The following FRMPD2 variants were observed in gnomAD, a reference collection of about 807,000 sequenced individuals.
The protein encoded by FRMPD2 is FERM and PDZ domain-containing protein 2.
A neutral mutation model predicts 140.1 loss-of-function variants in FRMPD2; 96 were observed. The observed-to-expected ratio is 0.69, with a 90% confidence interval of 0.58 to 0.81. The LOEUF (loss-of-function observed/expected upper bound fraction) is 0.81, where lower values mean the gene tolerates loss of function less well. FRMPD2 is among the 40% of genes least tolerant of loss of function. The pLI is 0.00. For synonymous variants in FRMPD2, 449 were observed against 547.6 expected (o/e 0.82, Z 2.52); for missense variants, 1,240 against 1,447.4 (o/e 0.86, Z 2.32).
chr10:48,202,217 T>C (rs1298211997), intron 14 of FRMPD2, among the ~76,000 whole-genome samples: 1 of 152,198 alleles, frequency 6.6e-6, no homozygotes, highest in Non-Finnish European at 1.5e-5. Flanking sequence ...AAATCTTCAT[T>C]CTAGATATTC....
intron 9 of FRMPD2, among the ~76,000 whole-genome samples, chr10:48,235,901 C>T (rs61204436): frequency 0.054 from 8,154 of 152,144 alleles, 295 homozygotes; most frequent in African/African-American, 0.09. Flanking sequence ...ACAGCATTTG[C>T]CCTTCCTGAA....
chr10:48,205,473 A>G (rs1839181463), intron 14 of FRMPD2, among the ~76,000 whole-genome samples: 1 of 152,252 alleles, frequency 6.6e-6, no homozygotes, highest in Admixed American at 6.5e-5. Context: ...TTTTTAGGTT[A>G]CCTGCATTTT....
chr10:48,218,765 A>G (rs1839511889), intron 12 of FRMPD2, among the ~76,000 whole-genome samples: 1 of 152,200 alleles, frequency 6.6e-6, no homozygotes, highest in Admixed American at 6.5e-5. Flanking sequence ...CAGCTCAGAG[A>G]CACAAGAAGC....
chr10:48,192,866 A>G lies in FRMPD2; in HGVS notation c.1983T>C (p.Asn661=). The G allele has an allele frequency of 6.2e-7, 1 of 1,614,022 alleles. No individual in the cohort carries two copies. The highest frequency in any genetic ancestry group is 8.5e-7 in the Non-Finnish European group (1 of 1,180,008). ...FDHDKFVQMA[N]LSPAHQARSK... is the part of the protein sequence containing the mutation. Reference sequence around the variant, plus strand: ...ACCGGGCCTGGTGTGCAGGACTCAAATTGGCCATTTGCACAAACTTATCAT... The same window carrying G: ...ACCGGGCCTGGTGTGCAGGACTCAAGTTGGCCATTTGCACAAACTTATCAT... The change falls in exon 16 of 29, where the codon AAT becomes AAC. Residue 661 remains asparagine (N), a synonymous_variant. Transcript: ENST00000374201.
intron 4 of FRMPD2, among the ~76,000 whole-genome samples, chr10:48,243,912 C>T (rs1490163037): frequency 6.6e-6 from 1 of 152,180 alleles, no homozygotes; most frequent in African/African-American, 2.4e-5. Flanking sequence ...GTTATAGTAT[C>T]AGATGGAAAT....
intron 1 of FRMPD2, 48 bp from the exon 2 acceptor site, chr10:48,251,739 C>T (rs1303432206): frequency 3.7e-6 from 6 of 1,608,248 alleles, no homozygotes; most frequent in Admixed American, 1.7e-5. Flanking sequence ...TGTCCAGGAA[C>T]ATGTCCGGGC....
Position 48,252,671 on chromosome 10 carries a change from TCC to T in FRMPD2, c.26-982_26-981del, listed in dbSNP as rs1383873491. On this transcript the variant is annotated intron_variant, in intron 1 of 28. Transcript: ENST00000374201. The stretch of plus-strand genomic sequence containing the variant: ...AGAAAGAGGCTTGGTCTGCTACCTC[TCC>T]CTGGGGCAGAAAGGGAGCCGCAGCA... Among the ~76,000 whole-genome samples the T allele has an allele frequency of 3.3e-5, 5 of 152,176 alleles. 1 individual carries two copies. The East Asian group carries it at 9.6e-4, about 29-fold the overall frequency.
chr10:48,185,562 G>A lies in FRMPD2; in HGVS notation c.2350C>T (p.Arg784Cys), dbSNP rs746192606. 24 of 1,613,384 alleles carry A rather than the reference G, an allele frequency of 1.5e-5. No homozygotes were observed. Among genetic ancestry groups the A allele is most frequent in the African/African-American group, 6.7e-5 (5 of 74,894 alleles). The change falls in exon 18 of 29, where the codon CGT (arginine) becomes TGT (cysteine). Residue 784 changes from arginine to cysteine, a missense_variant. Transcript: ENST00000374201. ...VRVTLKRDPH[R>C]GFGFVINEGE... is the part of the protein sequence containing the mutation. ...CAGGGAGCCCTCTTACCAAAACCAC[G>A]ATGTGGGTCACGTTTCAGTGTCACA...
At chr10:48,181,233 A>G (rs1838537344) in intron 20 of FRMPD2, among the ~76,000 whole-genome samples, 1 of 152,406 alleles carries the variant, frequency 6.6e-6, no homozygotes, top group South Asian at 2.1e-4. Flanking sequence ...TGACCCAACT[A>G]TGAATGCGTA....
intron 3 of FRMPD2, among the ~76,000 whole-genome samples, chr10:48,246,395 G>A (rs1840249058): frequency 6.6e-6 from 1 of 152,198 alleles, no homozygotes; most frequent in Non-Finnish European, 1.5e-5. Flanking sequence ...GTGACAAAAG[G>A]CTTCATCCAA....
intron 4 of FRMPD2, among the ~76,000 whole-genome samples, chr10:48,243,411 G>C (rs1357604201): frequency 6.6e-6 from 1 of 152,224 alleles, no homozygotes; most frequent in Non-Finnish European, 1.5e-5. Flanking sequence ...GCATCTGAAG[G>C]GAAGGGGATT....
At chr10:48,190,137 T>A (rs1306024846) in intron 16 of FRMPD2, among the ~76,000 whole-genome samples, 1 of 152,152 alleles carries the variant, frequency 6.6e-6, no homozygotes, top group Non-Finnish European at 1.5e-5. Context: ...TCTAAATGTC[T>A]CAACTGCATC....
intron 12 of FRMPD2, among the ~76,000 whole-genome samples, chr10:48,213,718 AGGTCTGTAAAG>A (rs1485743799): frequency 6.6e-6 from 1 of 152,256 alleles, no homozygotes; most frequent in Non-Finnish European, 1.5e-5. Context: ...TGAAAGAAGT[AGGTCTGTAAAG>A]GCTACTTACT....
chr10:48,257,268 T>C (rs1408950496), intron 1 of FRMPD2, among the ~76,000 whole-genome samples: 1 of 151,906 alleles, frequency 6.6e-6, no homozygotes, highest in African/African-American at 2.4e-5. Flanking sequence ...TTTATTTTTT[T>C]ATTTTATTTA....
chr10:48,258,476 C>T (rs1211567055), intron 1 of FRMPD2, among the ~76,000 whole-genome samples: 2 of 152,224 alleles, frequency 1.3e-5, no homozygotes, highest in Non-Finnish European at 2.9e-5. Flanking sequence ...AACAAGGACA[C>T]TCTTCACATC....
intron 1 of FRMPD2, among the ~76,000 whole-genome samples, chr10:48,266,731 C>A (rs1840684279): frequency 6.6e-6 from 1 of 152,264 alleles, no homozygotes; most frequent in Non-Finnish European, 1.5e-5. Context: ...CTCATTCCCA[C>A]CTAGTGGTGA....
chr10:48,170,231 C>T (rs1247888651), intron 26 of FRMPD2, among the ~76,000 whole-genome samples: 5 of 149,418 alleles, frequency 3.3e-5, no homozygotes, highest in African/African-American at 4.9e-5. Flanking sequence ...TAGGGGAACA[C>T]GGCAAGAGAC....
At chr10:48,254,794 G>A (rs1380869376) in intron 1 of FRMPD2, among the ~76,000 whole-genome samples, 1 of 152,192 alleles carries the variant, frequency 6.6e-6, no homozygotes, top group Admixed American at 6.5e-5. Context: ...CTTGGACTTG[G>A]GTTTACGCTC....
At chr10:48,266,955 G>A (rs1840687882) in intron 1 of FRMPD2, among the ~76,000 whole-genome samples, 1 of 152,214 alleles carries the variant, frequency 6.6e-6, no homozygotes, top group African/African-American at 2.4e-5. Flanking sequence ...GAGGACTAGA[G>A]GGGAGCCAGA....
Sources: gnomAD v4.1 joint callset for allele counts (sites outside exome capture counted in the v4.1 genomes callset) on GRCh38, gnomAD v4.1.1 for gene constraint, MANE v1.5 for transcripts, NCBI Gene and HGNC (gene_info 2026-07-23, HGNC 2026-07-21) for gene names.